PDE1C: variants seen among roughly 807,000 people sequenced by gnomAD.
The protein encoded by PDE1C is dual specificity calcium/calmodulin-dependent 3',5'-cyclic nucleotide phosphodiesterase 1C.
PDE1C carries 62 observed loss-of-function variants against 93.1 expected under a neutral mutation model. The ratio of observed to expected loss-of-function variants is 0.67; its 90% CI spans 0.54 to 0.82. The LOEUF is 0.82. Among genes scored for constraint, PDE1C ranks in the 40% least tolerant of loss-of-function variants. The pLI is 0.00. For synonymous variants in PDE1C, 325 were observed against 310.1 expected, an observed-to-expected ratio of 1.05 and a Z score of -0.50; for missense variants, 742 against 884.6, an observed-to-expected ratio of 0.84 and a Z score of 2.04.
chr7:32,321,707 T>C (rs1405465907), intron 1 of PDE1C, among the ~76,000 whole-genome samples: 1 of 152,254 alleles, frequency 6.6e-6, no homozygotes, highest in African/African-American at 2.4e-5. Context: ...TGCTGATTTA[T>C]TTTTCACATT....
chr7:32,075,615 G>A (rs1027378765), upstream of PDE1C, among the ~76,000 whole-genome samples: 6 of 152,168 alleles, frequency 3.9e-5, no homozygotes, highest in Admixed American at 2.6e-4. Flanking sequence ...AAAAGGCAGA[G>A]GACTGGCTAA....
At chr7:31,642,847 T>C in the PDE1C span, 1 of 1,613,978 alleles carries the variant, frequency 6.2e-7, no homozygotes, top group Non-Finnish European at 8.5e-7. Flanking sequence ...AGCGAATGCC[T>C]TGGAACAAAG....
chr7:31,887,300 C>T (rs374358074), intron 2 of PDE1C, among the ~76,000 whole-genome samples: 2 of 152,106 alleles, frequency 1.3e-5, no homozygotes, highest in African/African-American at 4.8e-5. Flanking sequence ...AAGAACAGTG[C>T]CAACAAAAAT....
intron 1 of PDE1C, among the ~76,000 whole-genome samples, chr7:32,296,716 G>A (rs1812623032): frequency 6.6e-6 from 1 of 152,146 alleles, no homozygotes; most frequent in Admixed American, 6.5e-5. Flanking sequence ...GATCTCATAA[G>A]GACAACCTGG....
chr7:31,765,552 C>T (rs540852384), intron 17 of PDE1C, among the ~76,000 whole-genome samples: 13 of 152,264 alleles, frequency 8.5e-5, no homozygotes, highest in African/African-American at 3.1e-4. Flanking sequence ...TTTGTTCACA[C>T]TAACAGTGGC....
intron 2 of PDE1C, among the ~76,000 whole-genome samples, chr7:31,909,132 C>A (rs1275821055): frequency 2.0e-5 from 3 of 152,082 alleles, no homozygotes; most frequent in Non-Finnish European, 4.4e-5. Context: ...TCTGGTTGAA[C>A]TCCGACTGAG....
intron 3 of PDE1C, among the ~76,000 whole-genome samples, chr7:32,098,491 CTATT>C (rs1265212084): frequency 1.3e-5 from 2 of 152,074 alleles, no homozygotes; most frequent in African/African-American, 4.8e-5. Flanking sequence ...TATTTAATCT[CTATT>C]TTTTTCTTTG....
At chr7:31,857,127 G>C in intron 7 of PDE1C, among the ~76,000 whole-genome samples, 1 of 152,100 alleles carries the variant, frequency 6.6e-6, no homozygotes, top group Non-Finnish European at 1.5e-5. Flanking sequence ...CTGAGGTCCT[G>C]GGGACTAGGA....
chr7:31,671,158 A>G, the PDE1C span, among the ~76,000 whole-genome samples: 2 of 152,304 alleles, frequency 1.3e-5, no homozygotes, highest in East Asian at 1.9e-4. Flanking sequence ...AGGCTGCCAC[A>G]CTGACCCTTC....
At chr7:32,205,533 C>G (rs1805374259) in intron 2 of PDE1C, among the ~76,000 whole-genome samples, 1 of 152,090 alleles carries the variant, frequency 6.6e-6, no homozygotes, top group Non-Finnish European at 1.5e-5. Context: ...ACGGACCAAT[C>G]AGCACTCTGT....
At chr7:31,802,479 G>T (rs564489090) in intron 16 of PDE1C, among the ~76,000 whole-genome samples, 1 of 151,470 alleles carries the variant, frequency 6.6e-6, no homozygotes, top group South Asian at 2.1e-4. Flanking sequence ...TAGAAAAATC[G>T]TATATATTTA....
chr7:32,106,292 C>A (rs879931230), intron 3 of PDE1C, among the ~76,000 whole-genome samples: 5 of 152,158 alleles, frequency 3.3e-5, no homozygotes, highest in African/African-American at 9.7e-5. Flanking sequence ...TACAATACTG[C>A]CTCAGCCTCC....
At chr7:32,069,544 T>C (rs561413363) in intron 1 of PDE1C, among the ~76,000 whole-genome samples, 98 of 152,174 alleles carry the variant, frequency 6.4e-4, no homozygotes, top group African/African-American at 2.3e-3. Flanking sequence ...TGACCAGCAG[T>C]TCACTGATGA....
At chr7:32,321,007 T>C (rs1653876) in intron 1 of PDE1C, among the ~76,000 whole-genome samples, 104,759 of 152,070 alleles carry the variant, frequency 0.69, 37,296 homozygotes, top group Admixed American at 0.78. Flanking sequence ...AATTTTGGAA[T>C]GGGGAGAGAA....
chr7:31,727,944 T>G, the PDE1C span, among the ~76,000 whole-genome samples: 2 of 152,158 alleles, frequency 1.3e-5, no homozygotes, highest in African/African-American at 4.8e-5. Flanking sequence ...CTTGGGAGGC[T>G]GAGGCAGGAG....
intron 8 of PDE1C, among the ~76,000 whole-genome samples, chr7:31,848,502 T>A (rs1792910329): frequency 6.6e-6 from 1 of 152,186 alleles, no homozygotes. Context: ...AGTTGTAATT[T>A]TCAGAACACA....
intron 16 of PDE1C, chr7:31,790,152 T>G (rs2128658495): frequency 6.3e-7 from 1 of 1,598,314 alleles, no homozygotes; most frequent in South Asian, 1.1e-5. Flanking sequence ...CAGATATGGG[T>G]CTTTGTGGAA....
At chr7:32,019,556 C>T (rs1191829866) in intron 2 of PDE1C, among the ~76,000 whole-genome samples, 1 of 152,054 alleles carries the variant, frequency 6.6e-6, no homozygotes, top group Admixed American at 6.6e-5. Context: ...ATTCTGGCTT[C>T]AGTACAGCTA....
At chr7:31,683,509 T>C in the PDE1C span, among the ~76,000 whole-genome samples, 1 of 152,150 alleles carries the variant, frequency 6.6e-6, no homozygotes, top group Non-Finnish European at 1.5e-5. Flanking sequence ...CTGACATGTG[T>C]TCAAAACTGC....
Sources: allele counts gnomAD v4.1 joint callset (sites outside exome capture counted in the v4.1 genomes callset), GRCh38; gene constraint gnomAD v4.1.1; transcripts MANE v1.5; gene names NCBI Gene and HGNC (gene_info 2026-07-23, HGNC 2026-07-21).